Variants in ADAMTS19 observed in about 807,000 individuals in gnomAD.
ADAMTS19 encodes the protein ADAM metallopeptidase with thrombospondin type 1 motif 19.
In ADAMTS19, 93 loss-of-function variants were observed where a neutral mutation model predicts 153.3. That is an observed-to-expected ratio of 0.61 (90% CI 0.51 to 0.72). The LOEUF is 0.72. Among genes scored for constraint, ADAMTS19 ranks in the 30% least tolerant of loss-of-function variants. The pLI is 0.00. For missense variants in ADAMTS19, 1,482 were observed against 1,552.1 expected (o/e 0.95, Z 0.76); for synonymous variants, 600 against 556.6 (o/e 1.08, Z -1.10).
intron 7 of ADAMTS19, among the ~76,000 whole-genome samples, chr5:129,555,794 A>G (rs1460259832): frequency 1.3e-5 from 2 of 152,188 alleles, no homozygotes; most frequent in African/African-American, 4.8e-5. Context: ...ATAACATTGT[A>G]TTTTTATACA....
chr5:129,470,365 G>T (rs1295101670), intron 2 of ADAMTS19, among the ~76,000 whole-genome samples: 1 of 152,190 alleles, frequency 6.6e-6, no homozygotes, highest in Non-Finnish European at 1.5e-5. Flanking sequence ...GGAGTTGCAG[G>T]TTCCTGGTAG....
intron 13 of ADAMTS19, among the ~76,000 whole-genome samples, chr5:129,653,118 T>C (rs1420449348): frequency 6.6e-6 from 1 of 152,216 alleles, no homozygotes; most frequent in Non-Finnish European, 1.5e-5. Flanking sequence ...CTTTGCAAAG[T>C]GATACCCTGT....
At chr5:129,500,587 T>C (rs1243381400) in intron 2 of ADAMTS19, 1 of 152,152 alleles carries the variant, frequency 6.6e-6, no homozygotes, top group African/African-American at 2.4e-5. Flanking sequence ...TATATTTTCA[T>C]CTTTGTTTTA....
intron 2 of ADAMTS19, among the ~76,000 whole-genome samples, chr5:129,504,379 A>G (rs1261067409): frequency 6.6e-6 from 1 of 152,210 alleles, no homozygotes; most frequent in Admixed American, 6.6e-5. Context: ...TTAAATGACA[A>G]AAATTACAAA....
chr5:129,537,489 C>T (rs538434640), intron 6 of ADAMTS19, among the ~76,000 whole-genome samples: 15 of 152,102 alleles, frequency 9.9e-5, no homozygotes, highest in East Asian at 5.8e-4. Flanking sequence ...ATGTTTATTG[C>T]GGCACTATTC....
intron 9 of ADAMTS19, among the ~76,000 whole-genome samples, chr5:129,621,125 C>A (rs1413476735): frequency 2.0e-5 from 3 of 152,082 alleles, no homozygotes; most frequent in African/African-American, 4.8e-5. Flanking sequence ...GCCCCTCTAA[C>A]AAAATCTTCA....
chr5:129,537,848 G>T (rs1391701769), intron 6 of ADAMTS19, among the ~76,000 whole-genome samples: 1 of 151,992 alleles, frequency 6.6e-6, no homozygotes. Context: ...AATGGGTACA[G>T]CACACCAACA....
At chr5:129,570,488 G>GA (rs1311620496) in intron 7 of ADAMTS19, among the ~76,000 whole-genome samples, 2 of 151,364 alleles carry the variant, frequency 1.3e-5, no homozygotes, top group Non-Finnish European at 1.5e-5. Context: ...GTAAATTAAA[G>GA]AAAAAATTAA....
At chr5:129,577,372 G>C (rs1324821183) in intron 7 of ADAMTS19, among the ~76,000 whole-genome samples, 1 of 151,940 alleles carries the variant, frequency 6.6e-6, no homozygotes, top group African/African-American at 2.4e-5. Flanking sequence ...CATTTTGATG[G>C]AGACAGAGAA....
At chr5:129,622,484 G>A in intron 10 of ADAMTS19, 136 bp downstream of exon 10, 1 of 1,026,498 alleles carries the variant, frequency 9.7e-7, no homozygotes, top group African/African-American at 1.6e-5. Context: ...CTAAGAAAAG[G>A]TTTGTGCATT....
Position 129,663,473 on chromosome 5 carries a change from A to T in ADAMTS19, c.2426-2026A>T, listed in dbSNP as rs1753908371. Among the ~76,000 whole-genome samples, 5 of 152,206 alleles carry T rather than the reference A, an allele frequency of 3.3e-5. 1 individual carries two copies. In the South Asian group the frequency reaches 6.2e-4, roughly 19 times the overall value. The stretch of plus-strand genomic sequence containing the variant: ...GCCAAATTTATTCAGTTATTACCAA[A>T]ACTAGATGATTTCTCTCTTGACTTC... On this transcript the variant is annotated intron_variant, in intron 15 of 22. Transcript: ENST00000274487.
Position 129,613,733 on chromosome 5 carries a change from C to T in ADAMTS19, c.1479-6885C>T, listed in dbSNP as rs7734000. On this transcript the variant is annotated intron_variant, in intron 8 of 22. Transcript: ENST00000274487. ...GGATACAAAAAACCCTTCAAAAAAT[C>T]AGTGAATCCAGGAGCTGGTTTTTTG... 5.9e-3 allele frequency among the ~76,000 whole-genome samples: 891 copies of T among 152,152 alleles called. 9 individuals are homozygous for T. The highest frequency in any genetic ancestry group is 0.02 in the African/African-American group (845 of 41,516).
intron 7 of ADAMTS19, among the ~76,000 whole-genome samples, chr5:129,553,398 T>C (rs931979037): frequency 3.3e-5 from 5 of 152,180 alleles, no homozygotes. Flanking sequence ...ATTTGTGATA[T>C]AGTATATGTA....
chr5:129,735,135 T>C (rs1481870193), intron 22 of ADAMTS19, 26 bp downstream of exon 22: 1 of 1,522,616 alleles, frequency 6.6e-7, no homozygotes, highest in East Asian at 2.3e-5. Flanking sequence ...AAAAAGATGC[T>C]TTTGAAAAAC....
At position 129,596,586 on chromosome 5, in the gene ADAMTS19, G is replaced by T; in HGVS notation, c.1400G>T (p.Ser467Ile). The T allele has an allele frequency of 6.2e-7, 1 of 1,607,964 alleles. No individual in the cohort carries two copies. Among genetic ancestry groups the T allele is most frequent in the Non-Finnish European group, 8.5e-7 (1 of 1,177,368 alleles). ...ATAGCTTACTTGAGTGGAATGTGTA[G>T]TGAAAAGAGAAAATGTATTATTGCT... Reference protein sequence around the residue: ...VGIAYLSGMCSEKRKCIIAED... With the variant: ...VGIAYLSGMCIEKRKCIIAED... The change falls in exon 8 of 23, where the codon AGT (serine) becomes ATT (isoleucine). Residue 467 changes from serine to isoleucine, a missense_variant. By Grantham distance (142) the Ser-to-Ile change is moderately radical. Transcript: ENST00000274487.
In ADAMTS19 at chr5:129,599,176, G is replaced by T. The variant is rs139311483; in HGVS notation, c.1478+2512G>T. The stretch of plus-strand genomic sequence containing the variant: ...TAACCTTGTTTAATATTTCATTCTA[G>T]GAATGATAGGCTATAGATTCTTAAT... On this transcript the variant is annotated intron_variant, in intron 8 of 22. Transcript: ENST00000274487. 3.9e-3 allele frequency among the ~76,000 whole-genome samples: 592 copies of T among 151,880 alleles called. 5 individuals carry two copies. Among genetic ancestry groups the T allele is most frequent in the African/African-American group, 0.014 (583 of 41,478 alleles).
chr5:129,702,877 TTTTAC>T (rs1361202249), intron 20 of ADAMTS19, among the ~76,000 whole-genome samples: 1 of 146,610 alleles, frequency 6.8e-6, no homozygotes, highest in African/African-American at 2.6e-5. Flanking sequence ...ACGTCTATTG[TTTTAC>T]TTTAAGTTAA....
At chr5:129,582,685 G>T (rs1181654959) in intron 7 of ADAMTS19, among the ~76,000 whole-genome samples, 2 of 151,816 alleles carry the variant, frequency 1.3e-5, no homozygotes, top group Non-Finnish European at 2.9e-5. Context: ...CCATTCTCCT[G>T]CCTCAGCCTC....
intron 16 of ADAMTS19, 74 bp downstream of exon 16, chr5:129,665,653 G>A (rs2127082948): frequency 1.7e-6 from 2 of 1,144,504 alleles, no homozygotes; most frequent in African/African-American, 1.6e-5. Flanking sequence ...CTATGATGAG[G>A]AGGAAGTCAA....
Sources: allele counts gnomAD v4.1 joint callset (sites outside exome capture counted in the v4.1 genomes callset), GRCh38; gene constraint gnomAD v4.1.1; transcripts MANE v1.5; gene names NCBI Gene and HGNC (gene_info 2026-07-23, HGNC 2026-07-21).